The following PLCL1 variants were observed in gnomAD, a reference collection of about 807,000 sequenced individuals.
The protein encoded by PLCL1 is phospholipase C like 1 (inactive), also known as inactive phospholipase C-like protein 1.
In PLCL1, 41 loss-of-function variants were observed where a neutral mutation model predicts 84.4. The ratio of observed to expected loss-of-function variants is 0.49; its 90% CI spans 0.38 to 0.63. The LOEUF is 0.63. PLCL1 is among the 30% of genes least tolerant of loss of function. The probability of loss-of-function intolerance (pLI) is 0.00; values close to 1 mark genes in which losing one functional copy is unlikely to be tolerated. For synonymous variants in PLCL1, 490 were observed against 488.3 expected (o/e 1.00, Z -0.05); for missense variants, 1,206 against 1,367.8 (o/e 0.88, Z 1.87).
intron 1 of PLCL1, among the ~76,000 whole-genome samples, chr2:197,842,585 A>T (rs1687027772): frequency 6.6e-6 from 1 of 152,080 alleles, no homozygotes; most frequent in African/African-American, 2.4e-5. Flanking sequence ...TTGTCTGTTC[A>T]TCATAATTCT....
At chr2:197,989,985 C>A (rs1690305768) in intron 1 of PLCL1, among the ~76,000 whole-genome samples, 2 of 152,070 alleles carry the variant, frequency 1.3e-5, no homozygotes, top group African/African-American at 2.4e-5. Context: ...GTTGGAGAAT[C>A]CCATTTTGCT....
chr2:198,109,025 A>T (rs1693555672), intron 5 of PLCL1, among the ~76,000 whole-genome samples: 1 of 151,778 alleles, frequency 6.6e-6, no homozygotes, highest in South Asian at 2.1e-4. Flanking sequence ...TTCCACCCTC[A>T]CATGTTAAAA....
At chr2:197,933,113 A>G (rs1015170191) in intron 1 of PLCL1, among the ~76,000 whole-genome samples, 7 of 152,226 alleles carry the variant, frequency 4.6e-5, no homozygotes, top group Admixed American at 4.6e-4. Flanking sequence ...AAAAAATTTC[A>G]GTGAGTGTGG....
intron 5 of PLCL1, among the ~76,000 whole-genome samples, chr2:198,127,897 T>C (rs981390115): frequency 6.6e-6 from 1 of 152,156 alleles, no homozygotes; most frequent in African/African-American, 2.4e-5. Context: ...TCCCTGCTTT[T>C]TTACTTTTAA....
chr2:197,904,813 T>C (rs930404384), intron 1 of PLCL1, among the ~76,000 whole-genome samples: 3 of 152,130 alleles, frequency 2.0e-5, no homozygotes, highest in Non-Finnish European at 2.9e-5. Flanking sequence ...GAAGAAAAAT[T>C]TTGTTTGTTG....
chr2:197,883,930 T>C (rs986500092), intron 1 of PLCL1, among the ~76,000 whole-genome samples: 1 of 152,200 alleles, frequency 6.6e-6, no homozygotes, highest in African/African-American at 2.4e-5. Context: ...TACAGAATGG[T>C]ATCATATGAG....
chr2:197,924,743 G>T (rs1453677619), intron 1 of PLCL1, among the ~76,000 whole-genome samples: 1 of 151,746 alleles, frequency 6.6e-6, no homozygotes, highest in Non-Finnish European at 1.5e-5. Flanking sequence ...TATCTGGGGG[G>T]GTCATGAGTA....
intron 1 of PLCL1, among the ~76,000 whole-genome samples, chr2:197,874,362 A>G (rs1687698912): frequency 6.6e-6 from 1 of 152,154 alleles, no homozygotes; most frequent in South Asian, 2.1e-4. Context: ...GCTTTGGAAT[A>G]TGTAGATAAA....
At chr2:197,817,937 G>A (rs1390176437) in intron 1 of PLCL1, among the ~76,000 whole-genome samples, 1 of 151,902 alleles carries the variant, frequency 6.6e-6, no homozygotes, top group East Asian at 1.9e-4. Context: ...TAACCGATGG[G>A]CACCTGACAC....
intron 1 of PLCL1, among the ~76,000 whole-genome samples, chr2:197,859,235 C>T (rs1196826500): frequency 1.2e-4 from 18 of 152,238 alleles, no homozygotes; most frequent in Admixed American, 1.1e-3. Context: ...CCTCTTCCTA[C>T]CTTGCTTCTT....
At chr2:198,101,758 C>G (rs573363240) in intron 4 of PLCL1, among the ~76,000 whole-genome samples, 15 of 152,094 alleles carry the variant, frequency 9.9e-5, no homozygotes, top group Non-Finnish European at 1.3e-4. Flanking sequence ...GGCTTTTGCC[C>G]CATTACTAGT....
intron 1 of PLCL1, among the ~76,000 whole-genome samples, chr2:197,953,180 G>T (rs1405318854): frequency 1.3e-5 from 2 of 152,096 alleles, no homozygotes; most frequent in Non-Finnish European, 2.9e-5. Flanking sequence ...GACTAATGCG[G>T]AGATGTAACT....
intron 1 of PLCL1, among the ~76,000 whole-genome samples, chr2:197,845,650 T>C (rs996935804): frequency 6.6e-6 from 1 of 152,222 alleles, no homozygotes; most frequent in East Asian, 1.9e-4. Context: ...TCTTTACCAC[T>C]CCATCCTAAA....
intron 5 of PLCL1, among the ~76,000 whole-genome samples, chr2:198,125,799 C>A: frequency 6.6e-6 from 1 of 152,120 alleles, no homozygotes; most frequent in East Asian, 1.9e-4. Context: ...AAAACATCCT[C>A]TGGCAGGTGT....
At chr2:197,891,663 A>C (rs1688032122) in intron 1 of PLCL1, among the ~76,000 whole-genome samples, 1 of 150,554 alleles carries the variant, frequency 6.6e-6, no homozygotes, top group Admixed American at 6.6e-5. Context: ...TCTGACAGGG[A>C]GAGTATTATG....
At chr2:198,000,039 G>A (rs2105819544) in intron 1 of PLCL1, among the ~76,000 whole-genome samples, 1 of 152,220 alleles carries the variant, frequency 6.6e-6, no homozygotes, top group East Asian at 1.9e-4. Context: ...ATTACCCAAA[G>A]TATAATCTCA....
At chr2:198,052,667 T>TA (rs1426977311) in intron 1 of PLCL1, among the ~76,000 whole-genome samples, 1 of 152,182 alleles carries the variant, frequency 6.6e-6, no homozygotes. Context: ...AAGCAATGAG[T>TA]AAAAATAAGG....
intron 1 of PLCL1, among the ~76,000 whole-genome samples, chr2:197,996,057 T>C (rs1690457208): frequency 6.6e-6 from 1 of 152,052 alleles, no homozygotes; most frequent in Non-Finnish European, 1.5e-5. Context: ...GCATACATCA[T>C]GTTGTGTGAA....
At chr2:198,071,273 T>C (rs894207278) in intron 1 of PLCL1, among the ~76,000 whole-genome samples, 8 of 151,994 alleles carry the variant, frequency 5.3e-5, no homozygotes, top group Admixed American at 1.3e-4. Flanking sequence ...ACTTACTTTT[T>C]AAAATATCAG....
Sources: gnomAD v4.1 joint callset for allele counts (sites outside exome capture counted in the v4.1 genomes callset) on GRCh38, gnomAD v4.1.1 for gene constraint, MANE v1.5 for transcripts, NCBI Gene and HGNC (gene_info 2026-07-23, HGNC 2026-07-21) for gene names.